Variants in PCDHA11 observed in about 807,000 individuals in gnomAD.
PCDHA11 encodes the protein protocadherin alpha-11.
In PCDHA11, 61 loss-of-function variants were observed where a neutral mutation model predicts 70.3. That is an observed-to-expected ratio of 0.87 (90% CI 0.71 to 1.07). The LOEUF (loss-of-function observed/expected upper bound fraction) is 1.07. PCDHA11 is among the 50% of genes least tolerant of loss of function. PCDHA11 has a pLI of 0.00. For missense variants in PCDHA11, 1,324 were observed against 1,237.5 expected (o/e 1.07, Z -1.05); for synonymous variants, 633 against 555.1 (o/e 1.14, Z -1.97).
At chr5:140,938,538 AT>A (rs1278860544) in intron 1 of PCDHA11, among the ~76,000 whole-genome samples, 1 of 135,490 alleles carries the variant, frequency 7.4e-6, no homozygotes, top group Non-Finnish European at 1.6e-5. Context: ...GATAATATGG[AT>A]TTTTATCCTT....
intron 1 of PCDHA11, among the ~76,000 whole-genome samples, chr5:140,914,030 G>A (rs2076568173): frequency 1.3e-5 from 2 of 152,180 alleles, no homozygotes; most frequent in South Asian, 4.1e-4. Flanking sequence ...CACGTGCTGA[G>A]AAGAATGTGT....
intron 3 of PCDHA11, among the ~76,000 whole-genome samples, chr5:140,996,427 G>A (rs1479947811): frequency 6.6e-6 from 1 of 152,176 alleles, no homozygotes; most frequent in Non-Finnish European, 1.5e-5. Context: ...GAAAACTTTG[G>A]GAATAGTCAG....
chr5:140,910,514 T>C (rs1246361505), intron 1 of PCDHA11, among the ~76,000 whole-genome samples: 1 of 152,218 alleles, frequency 6.6e-6, no homozygotes, highest in African/African-American at 2.4e-5. Flanking sequence ...TCTTCAAGGA[T>C]GCAGGTACTC....
chr5:140,967,670 G>A (rs1554229754), intron 1 of PCDHA11: 1 of 1,614,092 alleles, frequency 6.2e-7, no homozygotes, highest in Non-Finnish European at 8.5e-7. Flanking sequence ...CTACACGTCG[G>A]ACCGGGAGAG....
chr5:140,920,854 A>C (rs1369314704), intron 1 of PCDHA11, among the ~76,000 whole-genome samples: 1 of 152,006 alleles, frequency 6.6e-6, no homozygotes, highest in East Asian at 1.9e-4. Context: ...AAAAAAAAAA[A>C]AAAACAAACA....
rs1238131938 is a variant in PCDHA11, at chr5:141,010,564, G to A, written c.*627G>A. Reference sequence around the variant, plus strand: ...GAGACAAAACTACCCCCACTGACAAGGCTTTAGGAGACCCTAAAGTCTGTT... The same window carrying A: ...GAGACAAAACTACCCCCACTGACAAAGCTTTAGGAGACCCTAAAGTCTGTT... On this transcript the variant is annotated 3_prime_UTR_variant, in exon 4 of 4. Coordinates refer to ENST00000398640, the MANE Select transcript of PCDHA11 (RefSeq NM_018902.5). 1 of 289,402 alleles carries A rather than the reference G, an allele frequency of 3.5e-6. No homozygotes were observed. Among genetic ancestry groups the A allele is most frequent in the Non-Finnish European group, 6.5e-6 (1 of 154,048 alleles). 17.9% of individuals were successfully genotyped at this position (289,402 alleles called of 1,614,324 possible).
intron 1 of PCDHA11, among the ~76,000 whole-genome samples, chr5:140,960,639 C>T (rs1184483884): frequency 5.9e-5 from 9 of 152,058 alleles, no homozygotes; most frequent in Admixed American, 5.9e-4. Flanking sequence ...ATTTTTAAAA[C>T]CCCTATCCAA....
In PCDHA11 at chr5:140,933,676, AT is replaced by A. The variant is rs1400784175; in HGVS notation, c.2392-45265del. 1.4e-4 allele frequency among the ~76,000 whole-genome samples: 21 copies of A among 151,552 alleles called. 1 individual carries two copies. Among genetic ancestry groups the A allele is most frequent in the Admixed American group, 1.3e-3 (19 of 15,194 alleles). On this transcript the variant is annotated intron_variant, in intron 1 of 3. Coordinates refer to ENST00000398640, the MANE Select transcript of PCDHA11 (RefSeq NM_018902.5). Reference sequence around the variant, plus strand: ...CTGTCTCTCTCTCTGTCTCTCTCACATTTTTTTTCCTATTCCTCGGACACAT... The same window carrying A: ...CTGTCTCTCTCTCTGTCTCTCTCACATTTTTTTCCTATTCCTCGGACACAT...
At chr5:140,975,750 CTA>C (rs2096680444) in intron 1 of PCDHA11, among the ~76,000 whole-genome samples, 2 of 152,118 alleles carry the variant, frequency 1.3e-5, no homozygotes, top group African/African-American at 4.8e-5. Flanking sequence ...CTCAAATATT[CTA>C]TGTCATAAAT....
intron 1 of PCDHA11, chr5:140,927,485 C>T: frequency 6.2e-7 from 1 of 1,614,098 alleles, no homozygotes; most frequent in Non-Finnish European, 8.5e-7. Context: ...CAGCGCGCCA[C>T]CCACCTGCTG....
At chr5:141,000,609 G>A (rs2097951405) in intron 3 of PCDHA11, among the ~76,000 whole-genome samples, 1 of 150,600 alleles carries the variant, frequency 6.6e-6, no homozygotes. Context: ...TGTATTTTTA[G>A]TAGAGACAGG....
intron 1 of PCDHA11, among the ~76,000 whole-genome samples, chr5:140,941,202 C>CTTTCTTTCTTTCTTTCTTTCTTTCTTT (rs1554213921): frequency 8.1e-6 from 1 of 122,708 alleles, no homozygotes; most frequent in Admixed American, 8.6e-5. Context: ...TTTCTTTCTT[C>CTTTCTTTCTTTCTTTCTTTCTTTCTTT]CTTTCTTTCT....
intron 1 of PCDHA11, among the ~76,000 whole-genome samples, chr5:140,935,276 T>TA (rs1447867343): frequency 6.6e-6 from 1 of 152,226 alleles, no homozygotes; most frequent in African/African-American, 2.4e-5. Flanking sequence ...ACTAATCTAA[T>TA]AAAGTTCAGC....
chr5:140,950,110 C>A (rs542585854), intron 1 of PCDHA11, among the ~76,000 whole-genome samples: 23 of 151,848 alleles, frequency 1.5e-4, no homozygotes, highest in African/African-American at 5.5e-4. Context: ...AAATCTCATA[C>A]AATACAAAAC....
chr5:140,871,156 G>C lies in PCDHA11; in HGVS notation c.2053G>C (p.Ala685Pro), dbSNP rs200268029. 1.2e-6 allele frequency: 2 copies of C among 1,613,446 alleles called. No homozygotes were observed. The highest frequency in any genetic ancestry group is 8.5e-7 in the Non-Finnish European group (1 of 1,179,936). The part of the protein sequence containing the change: ...PKASSRTLAG[A>P]ASPEAALVDV... ...GGCCTCTTCCCGGACTTTGGCGGGC[G>C]CCGCGAGCCCAGAGGCTGCGCTGGT... The change falls in exon 1 of 4, where the codon GCC (alanine) becomes CCC (proline). Residue 685 changes from alanine to proline, a missense_variant. Ala to Pro is a conservative substitution (Grantham distance 27, BLOSUM62 -1). Transcript: ENST00000398640.
At chr5:140,984,987 G>C (rs1034950978) in intron 3 of PCDHA11, among the ~76,000 whole-genome samples, 7 of 152,028 alleles carry the variant, frequency 4.6e-5, no homozygotes, top group Admixed American at 2.0e-4. Flanking sequence ...CCCCAGGCTG[G>C]AGTCCAGTGG....
In PCDHA11 at chr5:140,895,957, C is replaced by G. The variant is rs186458993; in HGVS notation, c.2391+24463C>G. Among the ~76,000 whole-genome samples, 2 of 152,196 alleles carry G rather than the reference C, an allele frequency of 1.3e-5. 1 individual carries two copies. Among genetic ancestry groups the G allele is most frequent in the Admixed American group, 1.3e-4 (2 of 15,284 alleles). On this transcript the variant is annotated intron_variant, in intron 1 of 3. Transcript: ENST00000398640. Reference sequence around the variant, plus strand: ...TCCCGAGTAGCTGGGATTACAGGTGCCTGTCACCAGGCCTAGCTAATTTTT... The same window carrying G: ...TCCCGAGTAGCTGGGATTACAGGTGGCTGTCACCAGGCCTAGCTAATTTTT...
chr5:140,967,985 A>C, intron 1 of PCDHA11: 1 of 1,614,218 alleles, frequency 6.2e-7, no homozygotes, highest in Non-Finnish European at 8.5e-7. Context: ...TCTGGAGGCC[A>C]CACTGCCTTT....
At chr5:140,876,577 A>G (rs1554168681) in intron 1 of PCDHA11, 2 of 1,614,182 alleles carry the variant, frequency 1.2e-6, no homozygotes, top group Non-Finnish European at 1.7e-6. Context: ...GGGTACCGTC[A>G]TTGCCCTGAT....
Sources: allele counts gnomAD v4.1 joint callset (sites outside exome capture counted in the v4.1 genomes callset), GRCh38; gene constraint gnomAD v4.1.1; transcripts MANE v1.5; gene names NCBI Gene and HGNC (gene_info 2026-07-23, HGNC 2026-07-21).